Variants in TRERF1 observed in about 807,000 individuals in gnomAD.
TRERF1 encodes transcriptional-regulating factor 1.
Under a neutral mutation model 122.9 loss-of-function variants are expected in TRERF1, and 27 were observed. The ratio of observed to expected loss-of-function variants is 0.22; its 90% confidence interval spans 0.16 to 0.30. The LOEUF (loss-of-function observed/expected upper bound fraction) is 0.30, where lower values mean the gene tolerates loss of function less well. Ranked by LOEUF, TRERF1 falls within the 10% of genes least tolerant of loss-of-function variation. The pLI, the probability that TRERF1 is intolerant of heterozygous loss-of-function variation, is 1.00. For missense variants in TRERF1, 1,248 were observed against 1,560.3 expected (o/e 0.80, Z 3.37); for synonymous variants, 636 against 641.7 (o/e 0.99, Z 0.13).
chr6:42,289,343 C>CAAAAAAAAAAAAAA (rs145805556), intron 4 of TRERF1, among the ~76,000 whole-genome samples: 1 of 131,014 alleles, frequency 7.6e-6, no homozygotes, highest in African/African-American at 3.0e-5. Context: ...AAAAAACAAA[C>CAAAAAAAAAAAAAA]AAACAAAAAA....
intron 2 of TRERF1, among the ~76,000 whole-genome samples, chr6:42,408,792 G>A (rs779897464): frequency 1.3e-5 from 2 of 151,654 alleles, no homozygotes; most frequent in African/African-American, 2.4e-5. Flanking sequence ...ATTTGCTCTC[G>A]AGGAAAAAAT....
chr6:42,319,231 G>A (rs1762993003), intron 3 of TRERF1, among the ~76,000 whole-genome samples: 1 of 152,158 alleles, frequency 6.6e-6, no homozygotes, highest in Admixed American at 6.5e-5. Flanking sequence ...CCATGTAGAT[G>A]TTTGTGATTT....
chr6:42,333,095 C>T (rs1179205845), intron 3 of TRERF1, among the ~76,000 whole-genome samples: 1 of 152,192 alleles, frequency 6.6e-6, no homozygotes, highest in Admixed American at 6.5e-5. Context: ...AATGAGCCAG[C>T]ATTCAATAGC....
Position 42,228,023 on chromosome 6 carries a change from G to A in TRERF1, c.*322C>T, listed in dbSNP as rs142308958. ...GCAAGCTTTGGGATAAAAGGCAACCGGGATGGTTGACATCTGAATGCAATG... is the reference window on the plus strand; with the variant it reads ...GCAAGCTTTGGGATAAAAGGCAACCAGGATGGTTGACATCTGAATGCAATG... On this transcript the variant is annotated 3_prime_UTR_variant, in exon 18 of 18. Coordinates refer to ENST00000372922, the Ensembl canonical transcript of TRERF1. The surrounding 1 kb of genome is among the most constrained non-coding windows in gnomAD (Gnocchi z 4.2). 4.7e-4 allele frequency: 102 copies of A among 218,276 alleles called. 1 individual carries two copies. The East Asian group carries it at 8.1e-3, about 17-fold the overall frequency. The allele number at this position is 218,276 out of a possible 1,614,324, so 13.5% of individuals were successfully genotyped here. A position where few individuals can be genotyped will look rare whatever the true frequency, so the allele number is the denominator to read the frequency against.
At chr6:42,249,230 C>A (rs1269074769) in intron 13 of TRERF1, among the ~76,000 whole-genome samples, 2 of 152,156 alleles carry the variant, frequency 1.3e-5, no homozygotes, top group Non-Finnish European at 2.9e-5. Flanking sequence ...AATGATAATT[C>A]TTTCCAACCT....
At chr6:42,333,162 C>T (rs1765526518) in intron 3 of TRERF1, among the ~76,000 whole-genome samples, 1 of 152,120 alleles carries the variant, frequency 6.6e-6, no homozygotes, top group Non-Finnish European at 1.5e-5. Flanking sequence ...AGAGATGGAT[C>T]GTTTGCTGGT....
Position 42,263,396 on chromosome 6 carries a change from G to A in TRERF1, c.1808C>T (p.Thr603Ile), listed in dbSNP as rs371169811. 31 of 1,612,682 alleles carry A rather than the reference G, an allele frequency of 1.9e-5. No individual in the cohort carries two copies. Among genetic ancestry groups the A allele is most frequent in the Non-Finnish European group, 2.3e-5 (27 of 1,179,522 alleles). ...GGAGGGGGCGGCAACGGTGCTGTTG[G>A]TGAACCCCTGAGAGCTGGGCTTGGG... The change falls in exon 8 of 18, where the codon ACC (threonine) becomes ATC (isoleucine). Residue 603 changes from threonine (T) to isoleucine (I), a missense_variant. By Grantham distance (89) the Thr-to-Ile change is moderately conservative. This residue lies in a region of TRERF1 where 946 missense variants were observed against 1,073.0 expected (regional missense o/e 0.88). Transcript: ENST00000372922. This position sits in a 1 kb window ranked among gnomAD's most constrained non-coding sequence, Gnocchi z 5.6.
intron 4 of TRERF1, among the ~76,000 whole-genome samples, chr6:42,280,945 T>C (rs1317160630): frequency 6.6e-6 from 1 of 152,220 alleles, no homozygotes; most frequent in Non-Finnish European, 1.5e-5. Flanking sequence ...TGGAATAAAG[T>C]TGGAAGTGAA....
intron 5 of TRERF1, among the ~76,000 whole-genome samples, chr6:42,266,399 G>C (rs1779197338): frequency 6.6e-6 from 1 of 152,096 alleles, no homozygotes; most frequent in South Asian, 2.1e-4. Context: ...ATGTTGCTTA[G>C]GCTGGTCTCG....
At chr6:42,285,486 C>T (rs1783040436) in intron 4 of TRERF1, among the ~76,000 whole-genome samples, 1 of 152,048 alleles carries the variant, frequency 6.6e-6, no homozygotes. Context: ...CCTTCTCCTG[C>T]CTAATTGCCC....
chr6:42,350,927 G>C (rs904157566), intron 3 of TRERF1, among the ~76,000 whole-genome samples: 11 of 151,944 alleles, frequency 7.2e-5, no homozygotes, highest in African/African-American at 2.7e-4. Context: ...ATGGAGCACT[G>C]CAAAATAAAA....
intron 5 of TRERF1, 70 bp from the exon 6 acceptor site, chr6:42,265,867 C>G: frequency 6.6e-7 from 1 of 1,523,160 alleles, no homozygotes; most frequent in Admixed American, 1.8e-5. Flanking sequence ...GAGAAGTCCT[C>G]GAGCAGTGGG....
intron 2 of TRERF1, among the ~76,000 whole-genome samples, chr6:42,418,209 T>C (rs1458308368): frequency 6.0e-5 from 5 of 83,588 alleles, no homozygotes; most frequent in African/African-American, 7.8e-5. Context: ...CCTTCTTTCT[T>C]TTTCTTTCCT....
At chr6:42,321,152 CAAAAAAA>C (rs34358572) in intron 3 of TRERF1, among the ~76,000 whole-genome samples, 1 of 103,422 alleles carries the variant, frequency 9.7e-6, no homozygotes, top group African/African-American at 3.3e-5. Flanking sequence ...TCTTCCAAGC[CAAAAAAA>C]AAAAAAAAGG....
At chr6:42,257,324 T>A (rs1244442265) in intron 10 of TRERF1, among the ~76,000 whole-genome samples, 2 of 152,202 alleles carry the variant, frequency 1.3e-5, no homozygotes, top group East Asian at 3.8e-4. Flanking sequence ...AAGGGGGCAG[T>A]CGGCCTGGGG....
chr6:42,263,169 C>A lies in TRERF1; in HGVS notation c.1884+151G>T. The A allele has an allele frequency of 7.1e-7, 1 of 1,414,758 alleles. No individual in the cohort carries two copies. Among genetic ancestry groups the A allele is most frequent in the Non-Finnish European group, 9.2e-7 (1 of 1,085,018 alleles). The allele number at this position is 1,414,758 out of a possible 1,614,324, so 87.6% of individuals were successfully genotyped here. On this transcript the variant is annotated intron_variant, in intron 8 of 17. Coordinates refer to ENST00000372922, the Ensembl canonical transcript of TRERF1. The surrounding 1 kb of genome is among the most constrained non-coding windows in gnomAD (Gnocchi z 5.6). ...CCTGAGAGACCAAGCCGTATCCAAG[C>A]TCAGGTCAGTGACTCTGGAAGGGCC...
intron 3 of TRERF1, among the ~76,000 whole-genome samples, chr6:42,332,857 G>A (rs910900581): frequency 3.9e-5 from 6 of 151,980 alleles, no homozygotes; most frequent in Admixed American, 1.3e-4. Context: ...GGTCTTCTAC[G>A]GAGGAGGGTC....
chr6:42,441,966 C>T (rs1450204063), intron 2 of TRERF1, among the ~76,000 whole-genome samples: 1 of 152,104 alleles, frequency 6.6e-6, no homozygotes, highest in Non-Finnish European at 1.5e-5. Flanking sequence ...TGAGCGTTTG[C>T]GAGGTTTGAA....
chr6:42,234,027 T>C (rs1771479957), intron 16 of TRERF1, among the ~76,000 whole-genome samples: 1 of 152,134 alleles, frequency 6.6e-6, no homozygotes, highest in South Asian at 2.1e-4. Flanking sequence ...AATTCTTTGT[T>C]GTGATGGGTG....
Sources: gnomAD v4.1 joint callset for allele counts (sites outside exome capture counted in the v4.1 genomes callset) on GRCh38, gnomAD v4.1.1 for gene constraint, gnomAD v4.1.1 regional missense constraint, Gnocchi (gnomAD v3.1) non-coding constraint, MANE v1.5 for transcripts, NCBI Gene and HGNC (gene_info 2026-07-23, HGNC 2026-07-21) for gene names.